The following TTC28 variants were observed in gnomAD, a reference collection of about 807,000 sequenced individuals.
The protein encoded by TTC28 is tetratricopeptide repeat domain 28.
TTC28 carries 61 observed loss-of-function variants against 198.0 expected under a neutral mutation model. That is an observed-to-expected ratio of 0.31 (90% CI 0.25 to 0.38). The LOEUF is 0.38. Ranked by LOEUF, TTC28 falls within the 10% of genes least tolerant of loss-of-function variation. The pLI is 1.00. For synonymous variants in TTC28, 1,171 were observed against 1,297.8 expected, an observed-to-expected ratio of 0.90 and a Z score of 2.10; for missense variants, 2,678 against 3,164.0, an observed-to-expected ratio of 0.85 and a Z score of 3.69.
chr22:28,051,140 A>T lies in TTC28; in HGVS notation c.3933-20774T>A, dbSNP rs186733819. ...TTTCATATGGGATGTGGTCCTTAAA[A>T]GCTAGAAGTGACTTTTAAAATTATT... On this transcript the variant is annotated intron_variant, in intron 12 of 22. Coordinates refer to ENST00000397906, the MANE Select transcript of TTC28 (RefSeq NM_001145418.2). 9.3e-4 allele frequency among the ~76,000 whole-genome samples: 142 copies of T among 152,284 alleles called. 1 individual carries two copies. The highest frequency in any genetic ancestry group is 3.2e-3 in the African/African-American group (135 of 41,552).
chr22:28,024,290 T>C (rs2146612004), intron 13 of TTC28, among the ~76,000 whole-genome samples: 1 of 152,302 alleles, frequency 6.6e-6, no homozygotes, highest in South Asian at 2.1e-4. Flanking sequence ...TTGTGAAAGA[T>C]GCTGTGTTTG....
intron 2 of TTC28, among the ~76,000 whole-genome samples, chr22:28,605,712 T>C (rs565279294): frequency 2.9e-4 from 44 of 152,332 alleles, no homozygotes; most frequent in Middle Eastern, 3.4e-3. Flanking sequence ...GTTAAATTGG[T>C]ATATTCATAA....
intron 2 of TTC28, among the ~76,000 whole-genome samples, chr22:28,347,714 A>G (rs997398370): frequency 7.2e-5 from 11 of 152,196 alleles, no homozygotes; most frequent in African/African-American, 2.7e-4. Context: ...TCTACCAAAA[A>G]TACAAAAATT....
chr22:28,255,568 C>A (rs867605113), intron 5 of TTC28, among the ~76,000 whole-genome samples: 2 of 152,020 alleles, frequency 1.3e-5, no homozygotes, highest in Middle Eastern at 6.8e-3. Flanking sequence ...GTAATCCCAG[C>A]TACTCAGGAG....
intron 5 of TTC28, among the ~76,000 whole-genome samples, chr22:28,295,076 C>A (rs1477996396): frequency 1.3e-5 from 2 of 152,176 alleles, no homozygotes; most frequent in African/African-American, 4.8e-5. Flanking sequence ...GTTATTTGGG[C>A]AATAAGAAAA....
intron 12 of TTC28, among the ~76,000 whole-genome samples, chr22:28,072,697 A>G (rs1347530734): frequency 1.3e-5 from 2 of 152,184 alleles, no homozygotes; most frequent in Non-Finnish European, 2.9e-5. Flanking sequence ...TGCCCCAGCG[A>G]ATATAACTCC....
chr22:28,318,075 T>TA (rs2045380541), intron 2 of TTC28, among the ~76,000 whole-genome samples: 1 of 122,190 alleles, frequency 8.2e-6, no homozygotes, highest in Non-Finnish European at 1.9e-5. Flanking sequence ...GCTAATTAAT[T>TA]TTTTTTTTTT....
chr22:28,274,728 C>T (rs1426338874), intron 5 of TTC28, among the ~76,000 whole-genome samples: 1 of 152,126 alleles, frequency 6.6e-6, no homozygotes. Context: ...CGCCTGTAAT[C>T]CCAGCACTTT....
intron 19 of TTC28, among the ~76,000 whole-genome samples, chr22:27,991,415 G>A (rs565355621): frequency 3.9e-5 from 6 of 152,284 alleles, no homozygotes; most frequent in Admixed American, 1.3e-4. Context: ...TCAACGAGCA[G>A]GCGTTAATAC....
At chr22:28,624,855 A>C (rs1170865295) in intron 2 of TTC28, among the ~76,000 whole-genome samples, 1 of 152,216 alleles carries the variant, frequency 6.6e-6, no homozygotes, top group Non-Finnish European at 1.5e-5. Flanking sequence ...AAATTTTAGC[A>C]AAGCATTTCC....
intron 2 of TTC28, among the ~76,000 whole-genome samples, chr22:28,375,493 C>A (rs2046396073): frequency 6.6e-6 from 1 of 152,134 alleles, no homozygotes; most frequent in East Asian, 1.9e-4. Flanking sequence ...AAAATTACTG[C>A]CTTGTACATT....
chr22:28,010,621 T>C lies in TTC28; in HGVS notation c.4218+3627A>G, dbSNP rs1353746874. The stretch of plus-strand genomic sequence containing the variant: ...GTGGACACCTCGGCCAGTGAAACCA[T>C]GCTCAGGGGTGGGGCCTGCAGGCAT... On this transcript the variant is annotated intron_variant, in intron 14 of 22. Coordinates refer to ENST00000397906, the MANE Select transcript of TTC28 (RefSeq NM_001145418.2). 7.2e-5 allele frequency among the ~76,000 whole-genome samples: 11 copies of C among 152,122 alleles called. No homozygotes were observed. In the East Asian group the frequency reaches 1.9e-3, roughly 27 times the overall value.
At chr22:28,451,933 C>T (rs1038258447) in intron 2 of TTC28, among the ~76,000 whole-genome samples, 1 of 152,026 alleles carries the variant, frequency 6.6e-6, no homozygotes, top group East Asian at 1.9e-4. Flanking sequence ...CATATTTGGG[C>T]CAGAATATAC....
chr22:28,585,508 G>A (rs964121040), intron 2 of TTC28, among the ~76,000 whole-genome samples: 17 of 152,196 alleles, frequency 1.1e-4, no homozygotes, highest in Non-Finnish European at 1.6e-4. Flanking sequence ...ATAGAGAGCG[G>A]CTGTAAATGC....
intron 17 of TTC28, among the ~76,000 whole-genome samples, chr22:27,995,835 A>G (rs1030954783): frequency 2.0e-5 from 3 of 152,046 alleles, no homozygotes; most frequent in Admixed American, 6.5e-5. Context: ...TGCTACAGCC[A>G]CCTGTATGGC....
chr22:28,255,387 TA>T (rs1398627251), intron 5 of TTC28, among the ~76,000 whole-genome samples: 1 of 152,078 alleles, frequency 6.6e-6, no homozygotes, highest in Admixed American at 6.6e-5. Flanking sequence ...TGACTTGTAT[TA>T]AAAAGACAGG....
chr22:28,650,980 C>T (rs888528184), intron 1 of TTC28, among the ~76,000 whole-genome samples: 1 of 152,206 alleles, frequency 6.6e-6, no homozygotes, highest in Admixed American at 6.5e-5. Context: ...TACAGTTTTA[C>T]TGGAACACAG....
At chr22:28,403,600 C>T (rs1036006440) in intron 2 of TTC28, among the ~76,000 whole-genome samples, 1 of 152,178 alleles carries the variant, frequency 6.6e-6, no homozygotes, top group Non-Finnish European at 1.5e-5. Context: ...AGCTCCCTTA[C>T]CCAAGTGCTT....
chr22:28,059,459 T>C (rs1014315697), intron 12 of TTC28, among the ~76,000 whole-genome samples: 7 of 152,052 alleles, frequency 4.6e-5, no homozygotes, highest in African/African-American at 7.2e-5. Flanking sequence ...AGTCTATTTG[T>C]TGACTGTACC....
Sources: allele counts gnomAD v4.1 joint callset (sites outside exome capture counted in the v4.1 genomes callset), GRCh38; gene constraint gnomAD v4.1.1; transcripts MANE v1.5; gene names NCBI Gene and HGNC (gene_info 2026-07-23, HGNC 2026-07-21).